Variants in ADGRL2 observed in about 807,000 individuals in gnomAD.
ADGRL2 encodes calcium-independent alpha-latrotoxin receptor 2.
Under a neutral mutation model 157.4 loss-of-function variants are expected in ADGRL2, and 44 were observed. That is an observed-to-expected ratio of 0.28 (90% CI 0.22 to 0.36). The LOEUF (loss-of-function observed/expected upper bound fraction) is 0.36. Ranked by LOEUF, ADGRL2 falls within the 10% of genes least tolerant of loss-of-function variation. ADGRL2 has a pLI of 1.00. For missense variants in ADGRL2, 1,510 were observed against 1,768.9 expected (o/e 0.85, Z 2.63); for synonymous variants, 585 against 624.7 (o/e 0.94, Z 0.95).
intron 1 of ADGRL2, among the ~76,000 whole-genome samples, chr1:81,707,902 C>G (rs2083791727): frequency 6.6e-6 from 1 of 152,106 alleles, no homozygotes; most frequent in Admixed American, 6.6e-5. Flanking sequence ...AATAGGTAAT[C>G]TCTGTGTTAT....
intron 3 of ADGRL2, among the ~76,000 whole-genome samples, chr1:81,928,130 T>C (rs2095150640): frequency 1.3e-5 from 2 of 152,062 alleles, no homozygotes; most frequent in South Asian, 4.1e-4. Flanking sequence ...GTATAAAATT[T>C]TGTTCTAAAT....
intron 3 of ADGRL2, among the ~76,000 whole-genome samples, chr1:81,930,315 G>T (rs1414192084): frequency 1.3e-5 from 2 of 152,094 alleles, no homozygotes; most frequent in African/African-American, 4.8e-5. Context: ...CTGTTAATCT[G>T]TGCATGATAT....
intron 1 of ADGRL2, among the ~76,000 whole-genome samples, chr1:81,323,570 T>A (rs144481395): frequency 2.1e-4 from 32 of 152,240 alleles, no homozygotes; most frequent in African/African-American, 7.2e-4. Flanking sequence ...TGGTGTTTTA[T>A]CATTTTGTAA....
Position 81,943,233 on chromosome 1 carries a change from T to A in ADGRL2, c.674T>A (p.Phe225Tyr), listed in dbSNP as rs755853238. 1.2e-6 allele frequency: 2 copies of A among 1,613,612 alleles called. No homozygotes were observed. The highest frequency in any genetic ancestry group is 2.2e-5 in the South Asian group (2 of 91,064). Residue 225 changes from phenylalanine to tyrosine, a missense_variant, in exon 6 of 24, where the codon TTT becomes TAT. This residue lies in a region of ADGRL2 where 361 missense variants were observed against 498.4 expected (regional missense o/e 0.72). Transcript: ENST00000686636. The surrounding 1 kb of genome is among the most constrained non-coding windows in gnomAD (Gnocchi z 5.6). ...GFVVYDGAVFFNKERTRNIVK... is the reference protein window; with the variant it reads ...GFVVYDGAVFYNKERTRNIVK... ...GTGGTGTATGATGGTGCTGTCTTCT[T>A]TAACAAAGAAAGAACGAGGAATATT... is the stretch of plus-strand genomic sequence containing the variant.
intron 2 of ADGRL2, among the ~76,000 whole-genome samples, chr1:81,904,009 C>A (rs2094540650): frequency 6.6e-6 from 1 of 151,430 alleles, no homozygotes; most frequent in Admixed American, 6.6e-5. Context: ...AAGTAGTTTG[C>A]CTTGTTTTTA....
At chr1:81,691,951 TAC>T (rs144768278) in intron 3 of ADGRL2, among the ~76,000 whole-genome samples, 2,631 of 150,186 alleles carry the variant, frequency 0.018, 31 homozygotes, top group South Asian at 0.054. Flanking sequence ...GATATCTATA[TAC>T]ACACACACAA....
intron 1 of ADGRL2, among the ~76,000 whole-genome samples, chr1:81,384,802 T>C (rs901848863): frequency 6.6e-6 from 1 of 152,144 alleles, no homozygotes; most frequent in Admixed American, 6.5e-5. Flanking sequence ...GCCATTTCAT[T>C]ATGTAGCTGG....
At chr1:81,369,071 T>A (rs1326781171) in intron 1 of ADGRL2, among the ~76,000 whole-genome samples, 1 of 151,902 alleles carries the variant, frequency 6.6e-6, no homozygotes, top group Non-Finnish European at 1.5e-5. Context: ...ATATTCACTT[T>A]TGAATAAAGT....
At chr1:81,525,724 A>C (rs910934917) in intron 2 of ADGRL2, among the ~76,000 whole-genome samples, 1 of 152,184 alleles carries the variant, frequency 6.6e-6, no homozygotes, top group Non-Finnish European at 1.5e-5. Flanking sequence ...TATTTATCCC[A>C]AGGAAATAGG....
At chr1:81,765,669 G>A (rs1029979623) in intron 2 of ADGRL2, among the ~76,000 whole-genome samples, 1 of 151,706 alleles carries the variant, frequency 6.6e-6, no homozygotes, top group Admixed American at 6.6e-5. Context: ...TCCAATTCTG[G>A]TTGTACTTAA....
At chr1:81,889,694 C>T (rs2094212431) in intron 2 of ADGRL2, among the ~76,000 whole-genome samples, 1 of 152,298 alleles carries the variant, frequency 6.6e-6, no homozygotes, top group South Asian at 2.1e-4. Flanking sequence ...GACAAAACAG[C>T]CTTCTGTTGG....
intron 2 of ADGRL2, among the ~76,000 whole-genome samples, chr1:81,511,704 C>T (rs901590389): frequency 2.6e-5 from 4 of 151,872 alleles, no homozygotes; most frequent in African/African-American, 7.3e-5. Context: ...TCTTTTAAGG[C>T]AGGGAAAGTG....
intron 11 of ADGRL2, among the ~76,000 whole-genome samples, chr1:81,956,496 A>G (rs1383876869): frequency 1.3e-5 from 2 of 152,330 alleles, no homozygotes; most frequent in African/African-American, 4.8e-5. Context: ...TGTATTAAAC[A>G]TAACTGCCTT....
At chr1:81,987,389 G>A (rs1238507005) in intron 22 of ADGRL2, 1 of 1,221,840 alleles carries the variant, frequency 8.2e-7, no homozygotes, top group Admixed American at 1.7e-5. Flanking sequence ...AAAGCTTGCT[G>A]ACAAAATTTG....
chr1:81,462,970 C>G (rs1450201053), intron 2 of ADGRL2, among the ~76,000 whole-genome samples: 1 of 151,708 alleles, frequency 6.6e-6, no homozygotes, highest in East Asian at 1.9e-4. Flanking sequence ...CAAAAATTAG[C>G]CCTGAGGGGT....
intron 3 of ADGRL2, among the ~76,000 whole-genome samples, chr1:81,615,844 G>A (rs867289211): frequency 9.2e-5 from 14 of 152,184 alleles, no homozygotes; most frequent in African/African-American, 1.9e-4. Context: ...AGGAAGAAGC[G>A]ATCCAGTGCT....
intron 3 of ADGRL2, among the ~76,000 whole-genome samples, chr1:81,613,603 G>T (rs2081585599): frequency 3.8e-4 from 1 of 2,652 alleles, no homozygotes; most frequent in Admixed American, 6.3e-3. Flanking sequence ...GAATAGTGAA[G>T]AAAATTCTCC....
At chr1:81,504,385 C>T (rs561195361) in intron 2 of ADGRL2, among the ~76,000 whole-genome samples, 9 of 152,234 alleles carry the variant, frequency 5.9e-5, no homozygotes, top group African/African-American at 1.9e-4. Flanking sequence ...CCACACGTGC[C>T]GATGTCAGGT....
At chr1:81,984,829 T>C in intron 20 of ADGRL2, 118 bp downstream of exon 20, 1 of 1,177,810 alleles carries the variant, frequency 8.5e-7, no homozygotes, top group South Asian at 1.8e-5. Flanking sequence ...TAGCAAATAC[T>C]TGCTTTTTTA....
Sources: allele counts gnomAD v4.1 joint callset (sites outside exome capture counted in the v4.1 genomes callset), GRCh38; gene constraint gnomAD v4.1.1; regional missense constraint gnomAD v4.1.1; non-coding constraint Gnocchi (gnomAD v3.1); transcripts MANE v1.5; gene names NCBI Gene and HGNC (gene_info 2026-07-23, HGNC 2026-07-21).